WWOX: variants seen among roughly 807,000 people sequenced by gnomAD.
WWOX encodes the protein WW domain containing oxidoreductase.
WWOX carries 69 observed loss-of-function variants against 46.2 expected under a neutral mutation model. The ratio of observed to expected loss-of-function variants is 1.49; its 90% confidence interval spans 1.23 to 1.82. The LOEUF (loss-of-function observed/expected upper bound fraction) is 1.82, where lower values mean the gene tolerates loss of function less well. WWOX is among the 40% of genes most tolerant of loss of function. The pLI, the probability that WWOX is intolerant of heterozygous loss-of-function variation, is 0.00. For synonymous variants in WWOX, 359 were observed against 202.6 expected (o/e 1.77, Z -6.56); for missense variants, 919 against 542.6 (o/e 1.69, Z -6.89).
intron 8 of WWOX, among the ~76,000 whole-genome samples, chr16:78,578,618 C>T (rs938636320): frequency 6.6e-6 from 1 of 152,032 alleles, no homozygotes; most frequent in Admixed American, 6.6e-5. Context: ...CAAACATACA[C>T]ACACGCACAC....
At chr16:78,606,355 G>A (rs919689707) in intron 8 of WWOX, among the ~76,000 whole-genome samples, 2 of 152,002 alleles carry the variant, frequency 1.3e-5, no homozygotes, top group African/African-American at 4.8e-5. Flanking sequence ...TACTATTAAT[G>A]TAGAAGTACA....
intron 5 of WWOX, chr16:78,266,093 G>C (rs1160202038): frequency 1.3e-5 from 2 of 152,212 alleles, no homozygotes; most frequent in Non-Finnish European, 2.9e-5. Context: ...AACTGTCTCT[G>C]ATATGAAGGG....
chr16:78,612,668 A>T (rs2045928629), intron 8 of WWOX, among the ~76,000 whole-genome samples: 1 of 152,062 alleles, frequency 6.6e-6, no homozygotes, highest in African/African-American at 2.4e-5. Flanking sequence ...AGAGACAGAG[A>T]CTTGCTGTGT....
intron 4 of WWOX, among the ~76,000 whole-genome samples, chr16:78,118,009 A>G (rs1458103788): frequency 6.6e-6 from 1 of 151,662 alleles, no homozygotes; most frequent in Non-Finnish European, 1.5e-5. Flanking sequence ...TTGCAAATCT[A>G]GTATTTCCAG....
At chr16:78,144,347 T>C (rs2034090763) in intron 4 of WWOX, among the ~76,000 whole-genome samples, 1 of 147,140 alleles carries the variant, frequency 6.8e-6, no homozygotes, top group Admixed American at 7.0e-5. Context: ...GCCTTTTAGC[T>C]AATGTAGCAA....
chr16:78,627,735 A>G (rs960231104), intron 8 of WWOX, among the ~76,000 whole-genome samples: 2 of 152,240 alleles, frequency 1.3e-5, no homozygotes, highest in African/African-American at 2.4e-5. Context: ...GGAGGCACCT[A>G]TGTTAACTCT....
At chr16:79,166,917 G>T (rs2050605260) in intron 8 of WWOX, among the ~76,000 whole-genome samples, 1 of 151,944 alleles carries the variant, frequency 6.6e-6, no homozygotes, top group Non-Finnish European at 1.5e-5. Flanking sequence ...ACAACACTCG[G>T]TAAATTTCAA....
At chr16:78,908,106 C>A (rs1330759914) in intron 8 of WWOX, among the ~76,000 whole-genome samples, 1 of 152,154 alleles carries the variant, frequency 6.6e-6, no homozygotes, top group Non-Finnish European at 1.5e-5. Flanking sequence ...ATCTTCATTT[C>A]CTCAAAGTTT....
chr16:78,599,975 G>T (rs1324713453), intron 8 of WWOX, among the ~76,000 whole-genome samples: 1 of 152,118 alleles, frequency 6.6e-6, no homozygotes, highest in Non-Finnish European at 1.5e-5. Flanking sequence ...CATAATTTAT[G>T]CAGGAAAGAG....
rs75294682 is a variant in WWOX, at chr16:78,755,416, T to C, written c.1056+322664T>C. Among the ~76,000 whole-genome samples the C allele has an allele frequency of 2.0e-5, 3 of 152,110 alleles. No homozygotes were observed. The East Asian group carries it at 5.8e-4, about 29-fold the overall frequency. On this transcript the variant is annotated intron_variant, in intron 8 of 8. Coordinates refer to ENST00000566780, the MANE Select transcript of WWOX (RefSeq NM_016373.4). The stretch of plus-strand genomic sequence containing the variant: ...TTGTTGCTATTCCCCTGGACCATGA[T>C]ATTACATGTTGGGATGATGGGGTCT...
At chr16:78,397,111 G>T (rs1285977742) in intron 6 of WWOX, among the ~76,000 whole-genome samples, 1 of 152,158 alleles carries the variant, frequency 6.6e-6, no homozygotes, top group African/African-American at 2.4e-5. Flanking sequence ...ATTCTTTGAA[G>T]AAACTCCCCC....
chr16:79,181,898 G>T (rs7191263), intron 8 of WWOX, among the ~76,000 whole-genome samples: 189 of 152,190 alleles, frequency 1.2e-3, no homozygotes, highest in African/African-American at 4.0e-3. Flanking sequence ...TTCCCCACTG[G>T]GATAGAGCAT....
intron 8 of WWOX, among the ~76,000 whole-genome samples, chr16:78,958,103 C>T (rs74032452): frequency 0.051 from 7,721 of 152,164 alleles, 320 homozygotes; most frequent in East Asian, 0.19. Context: ...TCATATTCTC[C>T]GATATATTAT....
At chr16:79,033,446 C>G (rs1451438147) in intron 8 of WWOX, among the ~76,000 whole-genome samples, 1 of 151,692 alleles carries the variant, frequency 6.6e-6, no homozygotes, top group Non-Finnish European at 1.5e-5. Context: ...ACCACATTTT[C>G]TTTATCCAGA....
intron 5 of WWOX, among the ~76,000 whole-genome samples, chr16:78,362,961 C>G (rs1320979632): frequency 2.0e-5 from 3 of 152,200 alleles, no homozygotes; most frequent in Non-Finnish European, 2.9e-5. Context: ...AGGAAGGCCT[C>G]TGATTCCTTC....
intron 8 of WWOX, among the ~76,000 whole-genome samples, chr16:79,026,614 CTTTTT>C (rs748965500): frequency 9.9e-6 from 1 of 101,108 alleles, no homozygotes; most frequent in Non-Finnish European, 1.9e-5. Context: ...GTGGTAGACT[CTTTTT>C]TTTTTTTTTT....
At chr16:78,938,900 G>A (rs1482747652) in intron 8 of WWOX, among the ~76,000 whole-genome samples, 2 of 152,200 alleles carry the variant, frequency 1.3e-5, no homozygotes, top group African/African-American at 2.4e-5. Context: ...GGGTACTGGA[G>A]AGTGGGAGGC....
intron 5 of WWOX, among the ~76,000 whole-genome samples, chr16:78,181,156 G>A (rs1051103120): frequency 6.6e-6 from 1 of 152,078 alleles, no homozygotes; most frequent in Non-Finnish European, 1.5e-5. Context: ...GCAGACACAC[G>A]AAGGGGAGGT....
intron 4 of WWOX, among the ~76,000 whole-genome samples, chr16:78,124,619 A>G (rs1206373839): frequency 3.3e-5 from 5 of 152,216 alleles, no homozygotes; most frequent in African/African-American, 1.2e-4. Flanking sequence ...CTTTGGCTTC[A>G]TAAATAACGG....
Sources: allele counts gnomAD v4.1 joint callset (sites outside exome capture counted in the v4.1 genomes callset), GRCh38; gene constraint gnomAD v4.1.1; transcripts MANE v1.5; gene names NCBI Gene and HGNC (gene_info 2026-07-23, HGNC 2026-07-21).